PRPF38B: variants seen among roughly 807,000 people sequenced by gnomAD.
PRPF38B encodes the protein pre-mRNA processing factor 38B.
Under a neutral mutation model 67.2 loss-of-function variants are expected in PRPF38B, and 18 were observed. The observed-to-expected ratio is 0.27, with a 90% CI of 0.19 to 0.40. PRPF38B has a LOEUF of 0.40. Among genes scored for constraint, PRPF38B ranks in the 10% least tolerant of loss-of-function variants. The pLI is 1.00. For synonymous variants in PRPF38B, 246 were observed against 234.2 expected, an observed-to-expected ratio of 1.05 and a Z score of -0.46; for missense variants, 544 against 684.9, an observed-to-expected ratio of 0.79 and a Z score of 2.30.
chr1:108,697,620 A>G lies in PRPF38B; in HGVS notation c.559-984A>G, dbSNP rs146914100. The G allele has an allele frequency of 2.3e-3, 353 of 151,296 alleles. 1 individual carries two copies. Among genetic ancestry groups the G allele is most frequent in the African/African-American group, 8.5e-3 (346 of 40,862 alleles). 9.4% of individuals were successfully genotyped at this position (151,296 alleles called of 1,614,324 possible). A position where few individuals can be genotyped will look rare whatever the true frequency, so the allele number is the denominator to read the frequency against. On this transcript the variant is annotated intron_variant, in intron 4 of 5. Transcript: ENST00000370025. Reference sequence around the variant, plus strand: ...AAACGTGTTTTAAATCACAATCTTTAAGGTCTTTTTATCTTTAGATCAGTT... The same window carrying G: ...AAACGTGTTTTAAATCACAATCTTTGAGGTCTTTTTATCTTTAGATCAGTT...
intron 4 of PRPF38B, 195 bp from the exon 5 acceptor site, chr1:108,698,409 G>T: frequency 2.1e-6 from 1 of 484,984 alleles, no homozygotes; most frequent in East Asian, 3.1e-5. Context: ...AGGCTGCAGG[G>T]TTTGTTCTCA....
chr1:108,700,210 T>G lies in PRPF38B; in HGVS notation c.*190T>G, dbSNP rs899735964. 1.0e-6 allele frequency: 1 copy of G among 991,606 alleles called. No homozygotes were observed. Among genetic ancestry groups the G allele is most frequent in the Non-Finnish European group, 1.4e-6 (1 of 723,596 alleles). 61.4% of individuals were successfully genotyped at this position (991,606 alleles called of 1,614,324 possible). Reference sequence around the variant, plus strand: ...TTGCATTGGTGTTTTCACCCAATTGTTAAGTTTGATACATGATGCACAGAT... The same window carrying G: ...TTGCATTGGTGTTTTCACCCAATTGGTAAGTTTGATACATGATGCACAGAT... On this transcript the variant is annotated 3_prime_UTR_variant, in exon 6 of 6. Coordinates refer to ENST00000370025, the MANE Select transcript of PRPF38B (RefSeq NM_018061.4).
Position 108,698,809 on chromosome 1 carries a change from T to G in PRPF38B, c.764T>G (p.Val255Gly). The change falls in exon 5 of 6, where the codon GTT (valine) becomes GGT (glycine). Residue 255 changes from valine to glycine, a missense_variant. By Grantham distance (109) the Val-to-Gly change is moderately radical. This residue lies in a region of PRPF38B where 387 missense variants were observed against 386.1 expected (regional missense o/e 1.00). Coordinates refer to ENST00000370025, the MANE Select transcript of PRPF38B (RefSeq NM_018061.4). ...KEGAEEIDRH[V>G]ERRRSRSPRR... ...GGTGCTGAGGAAATAGACAGACATG[T>G]TGAACGCAGACGTTCAAGGTAATGT... 1 of 1,612,962 alleles carries G rather than the reference T, an allele frequency of 6.2e-7. No homozygotes were observed. The highest frequency in any genetic ancestry group is 8.5e-7 in the Non-Finnish European group (1 of 1,179,042).
In PRPF38B at chr1:108,700,366, A is replaced by G. The variant is rs1570703168; in HGVS notation, c.*346A>G. 5.4e-6 allele frequency: 1 copy of G among 185,012 alleles called. No homozygotes were observed. The highest frequency in any genetic ancestry group is 1.4e-4 in the East Asian group (1 of 7,160). The allele number at this position is 185,012 out of a possible 1,614,324, so 11.5% of individuals were successfully genotyped here. A position where few individuals can be genotyped will look rare whatever the true frequency, so the allele number is the denominator to read the frequency against. On this transcript the variant is annotated 3_prime_UTR_variant, in exon 6 of 6. Coordinates refer to ENST00000370025, the MANE Select transcript of PRPF38B (RefSeq NM_018061.4). ...TAAGGCAATAAACTGCCACTAATCT[A>G]TTTTTGTTTTGTAGGTGTGGGATTA...
chr1:108,693,804 C>T (rs975224396), intron 1 of PRPF38B, among the ~76,000 whole-genome samples: 2 of 152,038 alleles, frequency 1.3e-5, no homozygotes, highest in Non-Finnish European at 2.9e-5. Context: ...TAAAAAATAC[C>T]TTCCAGGCCT....
intron 1 of PRPF38B, among the ~76,000 whole-genome samples, chr1:108,693,813 C>T (rs2101031871): frequency 6.6e-6 from 1 of 152,218 alleles, no homozygotes; most frequent in East Asian, 1.9e-4. Flanking sequence ...CCTTCCAGGC[C>T]TCCGAAAGTT....
rs746475601 is a variant in PRPF38B, at chr1:108,699,639, GAA to G, written c.1262_1263del (p.Lys421ArgfsTer6). ...RHRDDKRDSK[K>X]EKKHSRSRSR... ...ACAGAGATGACAAAAGAGATTCCAA[GAA>G]AGAGAAAAAACACAGTAGAAGCAGA... On this transcript the variant is annotated frameshift_variant, in exon 6 of 6. Coordinates refer to ENST00000370025, the MANE Select transcript of PRPF38B (RefSeq NM_018061.4). LOFTEE classifies it high-confidence loss of function. 1.3e-6 allele frequency: 2 copies of G among 1,560,120 alleles called. No individual in the cohort carries two copies. Among genetic ancestry groups the G allele is most frequent in the Non-Finnish European group, 1.7e-6 (2 of 1,152,214 alleles).
chr1:108,692,702 G>C lies in PRPF38B; in HGVS notation c.111G>C (p.Pro37=). Residue 37 remains proline, a synonymous_variant, in exon 1 of 6, where the codon CCG becomes CCC. Coordinates refer to ENST00000370025, the MANE Select transcript of PRPF38B (RefSeq NM_018061.4). ...QQCGGGGATK[P]AVSGKQGNVL... ...GCGGCGGCGGCGGCGCTACCAAGCC[G>C]GCGGTCTCCGGCAAGCAGGGCAATG... 1 of 1,613,394 alleles carries C rather than the reference G, an allele frequency of 6.2e-7. No homozygotes were observed. The highest frequency in any genetic ancestry group is 8.5e-7 in the Non-Finnish European group (1 of 1,180,028).
At position 108,692,523 on chromosome 1, in the gene PRPF38B, C is replaced by G. The variant is rs1179369650; in HGVS notation, c.-69C>G. On this transcript the variant is annotated 5_prime_UTR_variant, in exon 1 of 6. Transcript: ENST00000370025. ...ATGGAGTAGGGTCCCAGACCGTTGT[C>G]CCGAAGAGCGAGATCGAGCTTGGCC... The G allele has an allele frequency of 1.4e-6, 2 of 1,467,240 alleles. No individual in the cohort carries two copies. The highest frequency in any genetic ancestry group is 2.7e-5 in the South Asian group (2 of 73,422). 90.9% of individuals were successfully genotyped at this position (1,467,240 alleles called of 1,614,324 possible).
Position 108,700,734 on chromosome 1 carries a change from T to C in PRPF38B, c.*714T>C, listed in dbSNP as rs1321884287. On this transcript the variant is annotated 3_prime_UTR_variant, in exon 6 of 6. Transcript: ENST00000370025. ...AAATTTATTCACTTAGTTTTCCTTT[T>C]TTATTTGAAAAAATACATGACATGT... The C allele has an allele frequency of 2.0e-5, 3 of 152,642 alleles. No homozygotes were observed. Among genetic ancestry groups the C allele is most frequent in the Admixed American group, 2.0e-4 (3 of 15,280 alleles). The allele number at this position is 152,642 out of a possible 1,614,324, so 9.5% of individuals were successfully genotyped here.
intron 1 of PRPF38B, among the ~76,000 whole-genome samples, chr1:108,693,161 A>G (rs1472765692): frequency 6.6e-6 from 1 of 152,204 alleles, no homozygotes; most frequent in Non-Finnish European, 1.5e-5. Flanking sequence ...AGAGGAGGAA[A>G]GAGTAACAGA....
Position 108,696,209 on chromosome 1 carries a change from A to G in PRPF38B, c.497+15A>G, listed in dbSNP as rs1159297033. 6.2e-7 allele frequency: 1 copy of G among 1,612,364 alleles called. No homozygotes were observed. The highest frequency in any genetic ancestry group is 1.1e-5 in the South Asian group (1 of 90,756). On this transcript the variant is annotated intron_variant, in intron 3 of 5. Coordinates refer to ENST00000370025, the MANE Select transcript of PRPF38B (RefSeq NM_018061.4). ...ATGTATATAAGGTGAGCGTACATTTATGTACATTTCCAGTAAATATCTCAT... is the reference window on the plus strand; with the variant it reads ...ATGTATATAAGGTGAGCGTACATTTGTGTACATTTCCAGTAAATATCTCAT...
rs1417994506 is a variant in PRPF38B, at chr1:108,692,347, C to T, written c.-245C>T. 4 of 554,804 alleles carry T rather than the reference C, an allele frequency of 7.2e-6. No individual in the cohort carries two copies. The highest frequency in any genetic ancestry group is 5.8e-5 in the African/African-American group (3 of 52,170). 34.4% of individuals were successfully genotyped at this position (554,804 alleles called of 1,614,324 possible). On this transcript the variant is annotated 5_prime_UTR_variant, in exon 1 of 6. Coordinates refer to ENST00000370025, the MANE Select transcript of PRPF38B (RefSeq NM_018061.4). The stretch of plus-strand genomic sequence containing the variant: ...GGGGCAGTTGGCGGAAGAGATCGAG[C>T]TCCCTGGCTGCCGGCTCGCCTTCTG...
At chr1:108,695,832 A>C in intron 2 of PRPF38B, 62 bp downstream of exon 2, 1 of 1,553,042 alleles carries the variant, frequency 6.4e-7, no homozygotes, top group South Asian at 1.1e-5. Flanking sequence ...TTATATTTAG[A>C]GAACTAGAGG....
At chr1:108,695,822 T>G (rs1052685873) in intron 2 of PRPF38B, 52 bp downstream of exon 2, 2 of 1,576,248 alleles carry the variant, frequency 1.3e-6, no homozygotes, top group Non-Finnish European at 1.7e-6. Context: ...ATAACTAAGT[T>G]TATATTTAGA....
chr1:108,697,634 T>A (rs918676128), intron 4 of PRPF38B: 3 of 152,210 alleles, frequency 2.0e-5, no homozygotes, highest in African/African-American at 4.8e-5. Context: ...TCTTTTTATC[T>A]TTAGATCAGT....
chr1:108,692,673 C>G lies in PRPF38B; in HGVS notation c.82C>G (p.Gln28Glu). 6.2e-7 allele frequency: 1 copy of G among 1,612,780 alleles called. No individual in the cohort carries two copies. Among genetic ancestry groups the G allele is most frequent in the East Asian group, 2.2e-5 (1 of 44,824 alleles). ...AAAAAAQQQQ[Q>E]CGGGGATKPA... ...TGCAGCTGCGGCTCAGCAACAGCAGCAGTGCGGCGGCGGCGGCGCTACCAA... is the reference window on the plus strand; with the variant it reads ...TGCAGCTGCGGCTCAGCAACAGCAGGAGTGCGGCGGCGGCGGCGCTACCAA... Residue 28 changes from glutamine (Q) to glutamate (E), a missense_variant, in exon 1 of 6, where the codon CAG becomes GAG. Coordinates refer to ENST00000370025, the MANE Select transcript of PRPF38B (RefSeq NM_018061.4).
rs561359295 is a variant in PRPF38B, at chr1:108,702,432, G to A, written c.*2412G>A. ...AGCCACCACTCCAGTCCCTTCTTAC[G>A]ATTTTTAAATATGTTTGCTTTTGAG... On this transcript the variant is annotated 3_prime_UTR_variant, in exon 6 of 6. Transcript: ENST00000370025. Among the ~76,000 whole-genome samples the A allele has an allele frequency of 6.6e-6, 1 of 152,150 alleles. No individual in the cohort carries two copies. The highest frequency in any genetic ancestry group is 2.1e-4 in the South Asian group (1 of 4,818).
chr1:108,693,010 T>A (rs1332470049), intron 1 of PRPF38B, 143 bp downstream of exon 1: 1 of 1,079,750 alleles, frequency 9.3e-7, no homozygotes, highest in Non-Finnish European at 1.3e-6. Context: ...GCCTGTAGTG[T>A]GTCTGGGAGG....
Sources: allele counts gnomAD v4.1 joint callset (sites outside exome capture counted in the v4.1 genomes callset), GRCh38; gene constraint gnomAD v4.1.1; regional missense constraint gnomAD v4.1.1; transcripts MANE v1.5; gene names NCBI Gene and HGNC (gene_info 2026-07-23, HGNC 2026-07-21).